SNX29: variants seen among roughly 807,000 people sequenced by gnomAD.
The protein encoded by SNX29 is sorting nexin-29.
A neutral mutation model predicts 102.1 loss-of-function variants in SNX29; 78 were observed. The ratio of observed to expected loss-of-function variants is 0.76; its 90% confidence interval spans 0.64 to 0.92. SNX29 has a LOEUF of 0.92. Ranked by LOEUF, SNX29 falls within the 40% of genes least tolerant of loss-of-function variation. The pLI, the probability that SNX29 is intolerant of heterozygous loss-of-function variation, is 0.00. For missense variants in SNX29, 1,280 were observed against 1,061.7 expected (o/e 1.21, Z -2.86); for synonymous variants, 580 against 414.5 (o/e 1.40, Z -4.85).
At chr16:12,062,686 A>G (rs772797711) in intron 9 of SNX29, among the ~76,000 whole-genome samples, 2 of 152,136 alleles carry the variant, frequency 1.3e-5, no homozygotes, top group South Asian at 4.1e-4. Flanking sequence ...TAGGAAGTGA[A>G]TGTGCCTTCT....
chr16:12,400,949 A>G (rs2083916045), intron 17 of SNX29, among the ~76,000 whole-genome samples: 1 of 152,048 alleles, frequency 6.6e-6, no homozygotes, highest in Non-Finnish European at 1.5e-5. Flanking sequence ...CAGCCTCCCG[A>G]GTAGCTGGGA....
intron 13 of SNX29, among the ~76,000 whole-genome samples, chr16:12,148,039 C>T (rs1207513774): frequency 1.3e-5 from 2 of 152,228 alleles, no homozygotes; most frequent in African/African-American, 4.8e-5. Context: ...TGGTGCCAAA[C>T]ATAGCCGAAG....
At chr16:12,545,281 G>T (rs1487231819) in intron 20 of SNX29, among the ~76,000 whole-genome samples, 1 of 152,202 alleles carries the variant, frequency 6.6e-6, no homozygotes, top group Non-Finnish European at 1.5e-5. Context: ...AAATTGGTTT[G>T]CCACTTCGCC....
chr16:12,555,543 T>A (rs2141398754), intron 20 of SNX29, among the ~76,000 whole-genome samples: 1 of 151,154 alleles, frequency 6.6e-6, no homozygotes, highest in Non-Finnish European at 1.5e-5. Flanking sequence ...TGGGAGGTCA[T>A]ACCGTGGGTT....
At chr16:12,198,428 G>T (rs1044866745) in intron 13 of SNX29, among the ~76,000 whole-genome samples, 2 of 152,088 alleles carry the variant, frequency 1.3e-5, no homozygotes, top group Non-Finnish European at 2.9e-5. Context: ...TCTTAAATGT[G>T]TTCTGATGGA....
rs956658519 is a variant in SNX29 at position 12,569,255 on chromosome 16, T to C, written c.*626T>C. The C allele has an allele frequency of 1.3e-5, 3 of 225,904 alleles. No homozygotes were observed. The highest frequency in any genetic ancestry group is 2.6e-5 in the Non-Finnish European group (3 of 113,644). The allele number at this position is 225,904 out of a possible 1,614,324, so 14.0% of individuals were successfully genotyped here. On this transcript the variant is annotated 3_prime_UTR_variant, in exon 21 of 21. Transcript: ENST00000566228. ...GGCTTTGGCAAGGAGCCATTAGTGATGTGCAACTTGAGTTCAGAGAACTTC... is the reference window on the plus strand; with the variant it reads ...GGCTTTGGCAAGGAGCCATTAGTGACGTGCAACTTGAGTTCAGAGAACTTC...
chr16:12,435,071 C>A (rs932936024), intron 18 of SNX29, among the ~76,000 whole-genome samples: 3 of 152,042 alleles, frequency 2.0e-5, no homozygotes, highest in Non-Finnish European at 4.4e-5. Flanking sequence ...TCTGTCCATC[C>A]CCAGGCCCAG....
intron 9 of SNX29, among the ~76,000 whole-genome samples, chr16:12,067,098 T>C (rs2051074234): frequency 6.6e-6 from 1 of 151,730 alleles, no homozygotes; most frequent in Admixed American, 6.6e-5. Context: ...GGTGGGAGGC[T>C]CTCTTGAGTC....
chr16:12,256,446 G>A lies in SNX29; in HGVS notation c.1679-21487G>A, dbSNP rs568681003. 1.2e-3 allele frequency among the ~76,000 whole-genome samples: 187 copies of A among 152,232 alleles called. 1 individual carries two copies. Among genetic ancestry groups the A allele is most frequent in the African/African-American group, 4.3e-3 (180 of 41,532 alleles). On this transcript the variant is annotated intron_variant, in intron 14 of 20. Coordinates refer to ENST00000566228, the MANE Select transcript of SNX29 (RefSeq NM_032167.5). Reference sequence around the variant, plus strand: ...TGGTTCAGGCGATTCTCCTGCCTCAGCTTCCTGAATAGCTGGAATTACAGG... The same window carrying A: ...TGGTTCAGGCGATTCTCCTGCCTCAACTTCCTGAATAGCTGGAATTACAGG...
At chr16:12,358,573 C>T (rs531240138) in intron 16 of SNX29, among the ~76,000 whole-genome samples, 2 of 152,126 alleles carry the variant, frequency 1.3e-5, no homozygotes, top group South Asian at 4.1e-4. Context: ...CTAATCTTCC[C>T]CTGCTATCCA....
intron 19 of SNX29, among the ~76,000 whole-genome samples, chr16:12,512,375 T>C (rs1168276965): frequency 2.2e-4 from 3 of 13,718 alleles, no homozygotes; most frequent in African/African-American, 1.3e-3. Flanking sequence ...GGAAAATATA[T>C]ATATATATAT....
At position 12,061,616 on chromosome 16, in the gene SNX29, G is replaced by C. The variant is rs763740416; in HGVS notation, c.1213G>C (p.Val405Leu). The change falls in exon 9 of 21, where the codon GTC becomes CTC. Residue 405 changes from valine (V) to leucine (L), a missense_variant. By Grantham distance (32) the Val-to-Leu change is conservative. Transcript: ENST00000566228. ...CAATGACTCCGACATCCTCTTCCCT[G>C]TCAGTGGCGTGGGCTCCTACAGCCC... ...LHNDSDILFPVSGVGSYSPAD... is the reference protein window; with the variant it reads ...LHNDSDILFPLSGVGSYSPAD... The C allele has an allele frequency of 4.3e-6, 7 of 1,612,000 alleles. No individual in the cohort carries two copies. Among genetic ancestry groups the C allele is most frequent in the Middle Eastern group, 1.7e-4 (1 of 6,060 alleles).
At chr16:12,547,424 C>CACCCCGGGGAGAGGGGATGGT (rs2077675986) in intron 20 of SNX29, among the ~76,000 whole-genome samples, 1 of 152,120 alleles carries the variant, frequency 6.6e-6, no homozygotes, top group African/African-American at 2.4e-5. Flanking sequence ...ACCATGTGGG[C>CACCCCGGGGAGAGGGGATGGT]ACCCCGGGGA....
intron 13 of SNX29, among the ~76,000 whole-genome samples, chr16:12,185,748 T>A (rs830705): frequency 1.3e-5 from 2 of 152,126 alleles, no homozygotes; most frequent in Non-Finnish European, 2.9e-5. Flanking sequence ...GTATTCAGAT[T>A]CGGGACATCT....
chr16:12,284,387 C>T lies in SNX29; in HGVS notation c.1782+6351C>T, dbSNP rs140356877. Among the ~76,000 whole-genome samples the T allele has an allele frequency of 7.9e-5, 12 of 152,330 alleles. 1 individual carries two copies. Among genetic ancestry groups the T allele is most frequent in the African/African-American group, 2.2e-4 (9 of 41,574 alleles). On this transcript the variant is annotated intron_variant, in intron 15 of 20. Transcript: ENST00000566228. ...ACATAAGAACCCAGCTGAGTGCCTG[C>T]AGTAGACAGGAGGTGTCTCTGTGCT...
chr16:12,301,403 C>T (rs1450514099), intron 15 of SNX29, among the ~76,000 whole-genome samples: 1 of 152,184 alleles, frequency 6.6e-6, no homozygotes, highest in Non-Finnish European at 1.5e-5. Flanking sequence ...GTTACTCCAC[C>T]CTCCAGGGTC....
At chr16:12,009,841 A>G (rs1345239746) in intron 3 of SNX29, among the ~76,000 whole-genome samples, 2 of 152,226 alleles carry the variant, frequency 1.3e-5, no homozygotes, top group Admixed American at 1.3e-4. Context: ...GGAGCTTTGT[A>G]GGCCCTAGAA....
At chr16:12,338,468 C>CTAA (rs2081517962) in intron 15 of SNX29, among the ~76,000 whole-genome samples, 2 of 152,190 alleles carry the variant, frequency 1.3e-5, no homozygotes, top group South Asian at 4.1e-4. Flanking sequence ...AGGTTCTCAC[C>CTAA]GTGCATCAGG....
intron 3 of SNX29, among the ~76,000 whole-genome samples, chr16:12,006,569 G>C (rs2056461142): frequency 6.8e-6 from 1 of 147,432 alleles, no homozygotes; most frequent in Non-Finnish European, 1.5e-5. Context: ...GACTACTTTT[G>C]CTACATTTTA....
Sources: allele counts gnomAD v4.1 joint callset (sites outside exome capture counted in the v4.1 genomes callset), GRCh38; gene constraint gnomAD v4.1.1; transcripts MANE v1.5; gene names NCBI Gene and HGNC (gene_info 2026-07-23, HGNC 2026-07-21).